TTN: variants seen among roughly 807,000 people sequenced by gnomAD.
TTN encodes titin, also known as connectin.
A neutral mutation model predicts 3,223.0 loss-of-function variants in TTN; 1,525 were observed. The ratio of observed to expected loss-of-function variants is 0.47; its 90% CI spans 0.45 to 0.49. The LOEUF (loss-of-function observed/expected upper bound fraction) is 0.49, where lower values mean the gene tolerates loss of function less well. Among genes scored for constraint, TTN ranks in the 20% least tolerant of loss-of-function variants. TTN has a pLI of 0.00. For synonymous variants in TTN, 14,094 were observed against 15,161.0 expected, an observed-to-expected ratio of 0.93 and a Z score of 5.17; for missense variants, 40,786 against 43,424.0, an observed-to-expected ratio of 0.94 and a Z score of 5.40.
chr2:178,641,213 T>C, intron 220 of TTN, 28 bp downstream of exon 220: 8 of 1,412,236 alleles, frequency 5.7e-6, no homozygotes, highest in Non-Finnish European at 7.7e-6. Flanking sequence ...TAAAAGATAA[T>C]CTTACAAATT....
In TTN at chr2:178,633,817, C is replaced by T. The variant is rs1054303718; in HGVS notation, c.42682G>A (p.Glu14228Lys). Residue 14228 changes from glutamate to lysine, a missense_variant and splice_region_variant, in exon 231 of 363, where the codon GAG (glutamate) becomes AAG (lysine). Physicochemically the swap from Glu to Lys is moderately conservative, Grantham distance 56. Transcript: ENST00000589042. ...LSSTAQLKVL[E>K]ADPYFTVKLH... ...TCTGGTTATACTTGGTTACATTTAC[C>T]TAAGACCTTCAGCTGTGCTGTGGAG... 1 of 1,612,634 alleles carries T rather than the reference C, an allele frequency of 6.2e-7. No homozygotes were observed. The highest frequency in any genetic ancestry group is 1.1e-5 in the South Asian group (1 of 90,912).
In TTN at chr2:178,573,603, C is replaced by T. The variant is rs1031881489; in HGVS notation, c.72529G>A (p.Val24177Ile). 6.7e-7 allele frequency: 1 copy of T among 1,496,982 alleles called. No individual in the cohort carries two copies. Among genetic ancestry groups the T allele is most frequent in the African/African-American group, 1.4e-5 (1 of 71,390 alleles). 92.7% of individuals were successfully genotyped at this position (1,496,982 alleles called of 1,614,324 possible). Residue 24177 changes from valine (V) to isoleucine (I), a missense_variant, in exon 326 of 363, where the codon GTC becomes ATC. Val to Ile is a conservative substitution (Grantham distance 29). Coordinates refer to ENST00000589042, the MANE Select transcript of TTN (RefSeq NM_001267550.2). ...GTGACCTTTAGCTTTGTTACTTGGA[C>T]TTCTGAGGCTACATTTGTCCATGCC... is the stretch of plus-strand genomic sequence containing the variant. ...RLAWTNVASEVQVTKLKVTKL... is the reference protein window; with the variant it reads ...RLAWTNVASEIQVTKLKVTKL...
rs767538049 is a variant in TTN at position 178,633,935 on chromosome 2, G to A, written c.42564C>T (p.Leu14188=). The A allele has an allele frequency of 1.9e-6, 3 of 1,613,394 alleles. No individual in the cohort carries two copies. In the East Asian group the frequency reaches 6.7e-5, roughly 36 times the overall value. The part of the protein sequence containing the change: ...DAKLHTSRTV[L]ISSEGKTHKL... ...TGTGAGTCTTGCCCTCAGAAGAGAT[G>A]AGTACTGTTCTGCTTGTATGGAGTT... The change falls in exon 231 of 363, where the codon CTC becomes CTT. Residue 14188 remains leucine (L), a synonymous_variant. Transcript: ENST00000589042.
In TTN at chr2:178,543,526, C is replaced by T. The variant is rs886042242; in HGVS notation, c.96447G>A (p.Met32149Ile). 2 of 1,613,346 alleles carry T rather than the reference C, an allele frequency of 1.2e-6. No individual in the cohort carries two copies. The highest frequency in any genetic ancestry group is 3.3e-5 in the Admixed American group (2 of 59,990). ...TGGTAGTTACTGTTTTGAATGCTCT[C>T]ATAGCAGCTTCACGCTTCTCAACGA... is the stretch of plus-strand genomic sequence containing the variant. ...NYIVEKREAA[M>I]RAFKTVTTKC... Residue 32149 changes from methionine to isoleucine, a missense_variant, in exon 347 of 363, where the codon ATG (methionine) becomes ATA (isoleucine). Transcript: ENST00000589042.
intron 64 of TTN, 39 bp downstream of exon 64, chr2:178,729,249 A>C: frequency 6.4e-7 from 1 of 1,558,438 alleles, no homozygotes; most frequent in Non-Finnish European, 8.7e-7. Context: ...AAAGCGTTAC[A>C]GAATTTTTAT....
chr2:178,530,498 G>T lies in TTN; in HGVS notation c.106117C>A (p.Gln35373Lys), dbSNP rs778126842. ...CTCTTAAAGGCTTGCCCCATAAATT[G>T]TAAGTTGGTTTTAGACGTTCCACCT... ...GEGGTSKTNLQFMGQAFKSIH... is the reference protein window; with the variant it reads ...GEGGTSKTNLKFMGQAFKSIH... The change falls in exon 358 of 363, where the codon CAA (glutamine) becomes AAA (lysine). Residue 35373 changes from glutamine to lysine, a missense_variant. Physicochemically the swap from Gln to Lys is moderately conservative, Grantham distance 53. Transcript: ENST00000589042. 9 of 1,613,974 alleles carry T rather than the reference G, an allele frequency of 5.6e-6. No homozygotes were observed. Among genetic ancestry groups the T allele is most frequent in the East Asian group, 2.2e-5 (1 of 44,886 alleles).
chr2:178,717,844 G>A, intron 86 of TTN, 34 bp from the exon 87 acceptor site: 5 of 1,581,114 alleles, frequency 3.2e-6, no homozygotes, highest in Non-Finnish European at 4.3e-6. Context: ...CTTATTTACA[G>A]GTGAGAAGGC....
rs901864585 is a variant in TTN at position 178,786,020 on chromosome 2, A to G, written c.2198T>C (p.Leu733Ser). 2 of 1,614,002 alleles carry G rather than the reference A, an allele frequency of 1.2e-6. No individual in the cohort carries two copies. The highest frequency in any genetic ancestry group is 2.7e-5 in the African/African-American group (2 of 74,928). The stretch of plus-strand genomic sequence containing the variant: ...AATGCGTTCCTTATATCCGTACTCC[A>G]AAGTGGTCTGCTGAGCATAGGATTC... The part of the protein sequence containing the change: ...LEESYAQQTT[L>S]EYGYKERISA... Residue 733 changes from leucine (L) to serine (S), a missense_variant, in exon 14 of 363, where the codon TTG becomes TCG. Coordinates refer to ENST00000589042, the MANE Select transcript of TTN (RefSeq NM_001267550.2).
rs1247030843 is a variant in TTN at position 178,773,366 on chromosome 2, A to T, written c.7598T>A (p.Ile2533Asn). Reference protein sequence around the residue: ...ETNCNLSVEKIKIIRGLRDLT... With the variant: ...ETNCNLSVEKNKIIRGLRDLT... ...GTCACGAAGACCTCTGATAATTTTA[A>T]TTTCTGGGGAAAAAATAAAATAATC... Residue 2533 changes from isoleucine to asparagine, a missense_variant, in exon 33 of 363, where the codon ATT (isoleucine) becomes AAT (asparagine). Transcript: ENST00000589042. 6.2e-7 allele frequency: 1 copy of T among 1,614,004 alleles called. No individual in the cohort carries two copies. Among genetic ancestry groups the T allele is most frequent in the Admixed American group, 1.7e-5 (1 of 59,996 alleles).
rs915079612 is a variant in TTN, at chr2:178,712,708, A to G, written c.27317T>C (p.Leu9106Pro). 1 of 1,613,116 alleles carries G rather than the reference A, an allele frequency of 6.2e-7. No individual in the cohort carries two copies. The highest frequency in any genetic ancestry group is 1.3e-5 in the African/African-American group (1 of 74,914). ...GCAGTCTGACAAACCTTTTATGTAG[A>G]GATGTGTTGTACAAGAAGCCTTGCC... ...EAGKASCTTH[L>P]YIKAPAKFVK... The change falls in exon 94 of 363, where the codon CTC becomes CCC. Residue 9106 changes from leucine to proline, a missense_variant. Transcript: ENST00000589042.
chr2:178,779,545 G>T, intron 22 of TTN, 83 bp from the exon 23 acceptor site: 1 of 961,670 alleles, frequency 1.0e-6, no homozygotes, highest in Non-Finnish European at 1.6e-6. Flanking sequence ...GAGCTAGACT[G>T]TTGAAGTTTT....
rs2056269785 is a variant in TTN, at chr2:178,611,287, C to T, written c.50858-16G>A. 1 of 1,608,436 alleles carries T rather than the reference C, an allele frequency of 6.2e-7. No individual in the cohort carries two copies. The highest frequency in any genetic ancestry group is 2.2e-5 in the East Asian group (1 of 44,508). On this transcript the variant is annotated splice_polypyrimidine_tract_variant and intron_variant, in intron 269 of 362. Transcript: ENST00000589042. ...GTTGGCTTGCCTGTAAGATATCATTCAAAAGAGCAAAAAACAGAGTATGTC... is the reference window on the plus strand; with the variant it reads ...GTTGGCTTGCCTGTAAGATATCATTTAAAAGAGCAAAAAACAGAGTATGTC...
chr2:178,802,104 G>T (rs777500744), intron 3 of TTN, 34 bp downstream of exon 3: 1 of 1,610,858 alleles, frequency 6.2e-7, no homozygotes, highest in South Asian at 1.1e-5. Context: ...GTCCTCTGGG[G>T]GAGCAGAGGA....
In TTN at chr2:178,583,141, A is replaced by C; in HGVS notation, c.65662T>G (p.Phe21888Val). 6.2e-7 allele frequency: 1 copy of C among 1,612,546 alleles called. No individual in the cohort carries two copies. The highest frequency in any genetic ancestry group is 1.7e-4 in the Middle Eastern group (1 of 6,050). The change falls in exon 313 of 363, where the codon TTT (phenylalanine) becomes GTT (valine). Residue 21888 changes from phenylalanine (F) to valine (V), a missense_variant. Physicochemically the swap from Phe to Val is conservative, Grantham distance 50 (BLOSUM62 -1). Coordinates refer to ENST00000589042, the MANE Select transcript of TTN (RefSeq NM_001267550.2). ...GAAACTGTTGGCATCGGTTTACCAA[A>C]AACAGTAGCATCCAAGCAGACATTA... is the stretch of plus-strand genomic sequence containing the variant. The part of the protein sequence containing the change: ...GTNVCLDATV[F>V]GKPMPTVSWK...
Position 178,794,600 on chromosome 2 carries a change from G to C in TTN, c.1246-49C>G, listed in dbSNP as rs368714820. 1.8e-3 allele frequency: 2,945 copies of C among 1,611,850 alleles called. 5 individuals carry two copies. Among genetic ancestry groups the C allele is most frequent in the Non-Finnish European group, 2.2e-3 (2,608 of 1,178,394 alleles). On this transcript the variant is annotated intron_variant, in intron 7 of 362. Coordinates refer to ENST00000589042, the MANE Select transcript of TTN (RefSeq NM_001267550.2). Reference sequence around the variant, plus strand: ...ATTACTTTTTTAAATGACATGCCCAGTAGAAAATAAAAAAGCATACTGGAA... The same window carrying C: ...ATTACTTTTTTAAATGACATGCCCACTAGAAAATAAAAAAGCATACTGGAA...
chr2:178,653,212 T>G, intron 198 of TTN, 26 bp downstream of exon 198: 1 of 1,611,626 alleles, frequency 6.2e-7, no homozygotes, highest in Non-Finnish European at 8.5e-7. Context: ...TTAGATCATC[T>G]GAAGCCTAAG....
chr2:178,644,810 C>A, intron 217 of TTN, 194 bp from the exon 218 acceptor site: 1 of 469,108 alleles, frequency 2.1e-6, no homozygotes, highest in Admixed American at 4.4e-5. Context: ...CTCCAAAGTT[C>A]AGTAGTTAAT....
chr2:178,533,634 A>G lies in TTN; in HGVS notation c.102981T>C (p.Asp34327=). ...QLTINSVTTD[D]DAEYTVVARN... ...TTGCCACAACAGTATATTCAGCGTC[A>G]TCATCTGTAGTGACACTGTTGATTG... The change falls in exon 358 of 363, where the codon GAT becomes GAC. Residue 34327 remains aspartate (D), a synonymous_variant. Transcript: ENST00000589042. 3 of 1,613,984 alleles carry G rather than the reference A, an allele frequency of 1.9e-6. No individual in the cohort carries two copies. Among genetic ancestry groups the G allele is most frequent in the Non-Finnish European group, 2.5e-6 (3 of 1,179,872 alleles).
chr2:178,672,582 G>C, intron 153 of TTN, 53 bp downstream of exon 153: 1 of 1,606,248 alleles, frequency 6.2e-7, no homozygotes, highest in Non-Finnish European at 8.5e-7. Context: ...AAACATAAAA[G>C]TCTTAACGAA....
Sources: gnomAD v4.1 joint callset for allele counts on GRCh38, gnomAD v4.1.1 for gene constraint, MANE v1.5 for transcripts, NCBI Gene and HGNC (gene_info 2026-07-23, HGNC 2026-07-21) for gene names.